DNAL4: variants seen among roughly 807,000 people sequenced by gnomAD.
DNAL4 encodes dynein light chain, outer arm 4.
In DNAL4, 10 loss-of-function variants were observed where a neutral mutation model predicts 12.6. The observed-to-expected ratio is 0.79, with a 90% CI of 0.49 to 1.34. DNAL4 has a LOEUF of 1.34. Among genes scored for constraint, DNAL4 ranks in the 40% most tolerant of loss-of-function variants. The pLI, the probability that DNAL4 is intolerant of heterozygous loss-of-function variation, is 0.00. For missense variants in DNAL4, 128 were observed against 138.1 expected, an observed-to-expected ratio of 0.93 and a Z score of 0.37; for synonymous variants, 46 against 53.1, an observed-to-expected ratio of 0.87 and a Z score of 0.58.
chr22:38,793,645 G>A (rs1325061496), intron 1 of DNAL4, among the ~76,000 whole-genome samples: 1 of 152,138 alleles, frequency 6.6e-6, no homozygotes, highest in African/African-American at 2.4e-5. Context: ...CCCAAACAGG[G>A]GAAATGACCA....
At chr22:38,781,885 G>A (rs2093034917) in intron 2 of DNAL4, among the ~76,000 whole-genome samples, 1 of 152,156 alleles carries the variant, frequency 6.6e-6, no homozygotes, top group Non-Finnish European at 1.5e-5. Context: ...ATCGCTCTGG[G>A]CCTCCACAGC....
Position 38,779,526 on chromosome 22 carries a change from T to C in DNAL4, c.241A>G (p.Ile81Val). 1 of 1,585,124 alleles carries C rather than the reference T, an allele frequency of 6.3e-7. No homozygotes were observed. The highest frequency in any genetic ancestry group is 8.6e-7 in the Non-Finnish European group (1 of 1,164,822). Residue 81 changes from isoleucine to valine, a missense_variant, in exon 4 of 4, where the codon ATC becomes GTC. Physicochemically the swap from Ile to Val is conservative, Grantham distance 29. Coordinates refer to ENST00000216068, the MANE Select transcript of DNAL4 (RefSeq NM_005740.3). The surrounding 1 kb of genome is among the most constrained non-coding windows in gnomAD (Gnocchi z 4.3). ...VVIGEGFGFE[I>V]THEVKNLLYL... Reference sequence around the variant, plus strand: ...AGGAGGTTCTTCACCTCGTGGGTGATCTCAAACCCAAAGCCCTCGCCGATC... The same window carrying C: ...AGGAGGTTCTTCACCTCGTGGGTGACCTCAAACCCAAAGCCCTCGCCGATC...
intron 1 of DNAL4, among the ~76,000 whole-genome samples, chr22:38,788,900 T>G (rs2093046410): frequency 6.6e-6 from 1 of 152,220 alleles, no homozygotes; most frequent in African/African-American, 2.4e-5. Context: ...GAGTCCAGAT[T>G]CCCTGGGGCT....
Position 38,779,420 on chromosome 22 carries a change from C to T in DNAL4, c.*29G>A, listed in dbSNP as rs2146161853. The T allele has an allele frequency of 1.9e-6, 3 of 1,550,136 alleles. No individual in the cohort carries two copies. The highest frequency in any genetic ancestry group is 2.6e-6 in the Non-Finnish European group (3 of 1,145,774). Reference sequence around the variant, plus strand: ...CCCAGATGAGTGGCAGGAAAAGGCCCTGCAGGGGACGGGGCAGGGGACAGA... The same window carrying T: ...CCCAGATGAGTGGCAGGAAAAGGCCTTGCAGGGGACGGGGCAGGGGACAGA... On this transcript the variant is annotated 3_prime_UTR_variant, in exon 4 of 4. Coordinates refer to ENST00000216068, the MANE Select transcript of DNAL4 (RefSeq NM_005740.3). The surrounding 1 kb of genome is among the most constrained non-coding windows in gnomAD (Gnocchi z 4.3).
Position 38,779,638 on chromosome 22 carries a change from A to G in DNAL4, c.154-25T>C. The stretch of plus-strand genomic sequence containing the variant: ...TCTGGAAGGAAGAGGGCACTTATCA[A>G]GGGGGCGCAGGGCAGGTGGGGGCAG... On this transcript the variant is annotated intron_variant, in intron 3 of 3. Transcript: ENST00000216068. The surrounding 1 kb of genome is among the most constrained non-coding windows in gnomAD (Gnocchi z 4.3). 6.3e-7 allele frequency: 1 copy of G among 1,581,986 alleles called. No homozygotes were observed. The highest frequency in any genetic ancestry group is 8.6e-7 in the Non-Finnish European group (1 of 1,162,018).
Position 38,782,697 on chromosome 22 carries a change from T to A in DNAL4, c.35A>T (p.Asp12Val), listed in dbSNP as rs962259993. 2 of 1,613,180 alleles carry A rather than the reference T, an allele frequency of 1.2e-6. No homozygotes were observed. Among genetic ancestry groups the A allele is most frequent in the Non-Finnish European group, 1.7e-6 (2 of 1,179,698 alleles). Residue 12 changes from aspartate to valine, a missense_variant, in exon 2 of 4, where the codon GAT becomes GTT. Asp to Val is a radical substitution (Grantham distance 152, BLOSUM62 -3). Coordinates refer to ENST00000216068, the MANE Select transcript of DNAL4 (RefSeq NM_005740.3). This position sits in a 1 kb window ranked among gnomAD's most constrained non-coding sequence, Gnocchi z 5.1. ...AGGGAAGGTCTGCAGTCGCTTATAA[T>A]CAGCCTCATCTTTCTTCCCTTCTGT... ...GETEGKKDEADYKRLQTFPLV... is the reference protein window; with the variant it reads ...GETEGKKDEAVYKRLQTFPLV...
intron 1 of DNAL4, among the ~76,000 whole-genome samples, chr22:38,790,757 G>A (rs1414857278): frequency 1.3e-5 from 2 of 152,166 alleles, no homozygotes; most frequent in East Asian, 3.8e-4. Context: ...GCCTACTACA[G>A]ACCTAGGCTA....
At chr22:38,792,781 C>A (rs1398567016) in intron 1 of DNAL4, among the ~76,000 whole-genome samples, 1 of 152,140 alleles carries the variant, frequency 6.6e-6, no homozygotes, top group African/African-American at 2.4e-5. Context: ...TGCTTGAATA[C>A]CTCCTGAAGG....
At chr22:38,786,503 G>A (rs1436835530) in intron 1 of DNAL4, among the ~76,000 whole-genome samples, 1 of 152,208 alleles carries the variant, frequency 6.6e-6, no homozygotes, top group African/African-American at 2.4e-5. Context: ...AGATTGCGGT[G>A]AGCCAAGATC....
At position 38,780,975 on chromosome 22, in the gene DNAL4, G is replaced by T. The variant is rs1349066923; in HGVS notation, c.104C>A (p.Thr35Asn). 3 of 1,614,204 alleles carry T rather than the reference G, an allele frequency of 1.9e-6. No homozygotes were observed. Among genetic ancestry groups the T allele is most frequent in the Non-Finnish European group, 2.5e-6 (3 of 1,180,024 alleles). The change falls in exon 3 of 4, where the codon ACC becomes AAC. Residue 35 changes from threonine (T) to asparagine (N), a missense_variant. By Grantham distance (65) the Thr-to-Asn change is moderately conservative (BLOSUM62 0). Transcript: ENST00000216068. ...SDMPEEMRVE[T>N]MELCVTACEK... ...ACAGGCTGTGACACATAGCTCCATG[G>T]TCTCCACGCGCATCTCCTCTGGCAT...
chr22:38,792,355 G>C (rs762571486), intron 1 of DNAL4, among the ~76,000 whole-genome samples: 1 of 150,880 alleles, frequency 6.6e-6, no homozygotes, highest in Admixed American at 6.6e-5. Context: ...CTATCTCGGC[G>C]CACTGAAACC....
At position 38,790,318 on chromosome 22, in the gene DNAL4, AC is replaced by A. The variant is rs139597809; in HGVS notation, c.-140+3749del. 9.5e-3 allele frequency among the ~76,000 whole-genome samples: 1,444 copies of A among 152,258 alleles called. 21 individuals carry two copies. Among genetic ancestry groups the A allele is most frequent in the African/African-American group, 0.033 (1,376 of 41,536 alleles). On this transcript the variant is annotated intron_variant, in intron 1 of 3. Transcript: ENST00000216068. Reference sequence around the variant, plus strand: ...GGTATTAATGTCACAGGCATGAAATACTTGAAGGAGAGTGGTGGCTTCAGGA... The same window carrying A: ...GGTATTAATGTCACAGGCATGAAATATTGAAGGAGAGTGGTGGCTTCAGGA...
rs573445533 is a variant in DNAL4 at position 38,788,200 on chromosome 22, C to T, written c.-139-5330G>A. ...TAAGGACTTGGGCATTCGTCCAAGA[C>T]GCTCGTAGTAAGGTCAGGAAATGAT... On this transcript the variant is annotated intron_variant, in intron 1 of 3. Transcript: ENST00000216068. Among the ~76,000 whole-genome samples the T allele has an allele frequency of 1.2e-4, 19 of 152,260 alleles. No homozygotes were observed. In the South Asian group the frequency reaches 2.7e-3, roughly 22 times the overall value.
chr22:38,792,612 T>G (rs1276249141), intron 1 of DNAL4, among the ~76,000 whole-genome samples: 1 of 152,256 alleles, frequency 6.6e-6, no homozygotes, highest in Non-Finnish European at 1.5e-5. Flanking sequence ...CATTTTTAAC[T>G]TTTTTGTTAA....
intron 1 of DNAL4, among the ~76,000 whole-genome samples, chr22:38,787,232 C>T (rs1351380828): frequency 4.6e-5 from 7 of 150,902 alleles, no homozygotes. Context: ...TCTTTTCTTT[C>T]TTTCTTTCTT....
intron 1 of DNAL4, among the ~76,000 whole-genome samples, chr22:38,790,794 T>C (rs1446756741): frequency 6.6e-6 from 1 of 152,216 alleles, no homozygotes; most frequent in Non-Finnish European, 1.5e-5. Context: ...TCTCCAAGGC[T>C]ACAAACTTGT....
At position 38,782,831 on chromosome 22, in the gene DNAL4, C is replaced by A; in HGVS notation, c.-100G>T. 1.7e-6 allele frequency: 2 copies of A among 1,144,912 alleles called. No homozygotes were observed. The highest frequency in any genetic ancestry group is 1.2e-6 in the Non-Finnish European group (1 of 818,726). 70.9% of individuals were successfully genotyped at this position (1,144,912 alleles called of 1,614,324 possible). ...AGGAGATTCAGGAAGCAGGCCCTGC[C>A]AACTCGGTGGGAGCAGAAAATGTCT... is the stretch of plus-strand genomic sequence containing the variant. On this transcript the variant is annotated 5_prime_UTR_variant, in exon 2 of 4. Coordinates refer to ENST00000216068, the MANE Select transcript of DNAL4 (RefSeq NM_005740.3). The surrounding 1 kb of genome is among the most constrained non-coding windows in gnomAD (Gnocchi z 5.1).
At position 38,780,973 on chromosome 22, in the gene DNAL4, T is replaced by C. The variant is rs1267907624; in HGVS notation, c.106A>G (p.Met36Val). Residue 36 changes from methionine (M) to valine (V), a missense_variant, in exon 3 of 4, where the codon ATG becomes GTG. Met to Val is a conservative substitution (Grantham distance 21, BLOSUM62 1). Transcript: ENST00000216068. ...TCACAGGCTGTGACACATAGCTCCA[T>C]GGTCTCCACGCGCATCTCCTCTGGC... ...DMPEEMRVET[M>V]ELCVTACEKF... 6.2e-7 allele frequency: 1 copy of C among 1,614,096 alleles called. No homozygotes were observed. The highest frequency in any genetic ancestry group is 2.2e-5 in the East Asian group (1 of 44,898).
At position 38,782,233 on chromosome 22, in the gene DNAL4, C is replaced by T. The variant is rs1011475727; in HGVS notation, c.69+430G>A. Among the ~76,000 whole-genome samples the T allele has an allele frequency of 6.6e-6, 1 of 152,202 alleles. No homozygotes were observed. The highest frequency in any genetic ancestry group is 6.5e-5 in the Admixed American group (1 of 15,282). On this transcript the variant is annotated intron_variant, in intron 2 of 3. Transcript: ENST00000216068. The surrounding 1 kb of genome is among the most constrained non-coding windows in gnomAD (Gnocchi z 5.1). ...CCGTGCCTCTGTTTCCCCGGCTTGGCATGTTCTTCCCCAGGTCTTTGTGAG... is the reference window on the plus strand; with the variant it reads ...CCGTGCCTCTGTTTCCCCGGCTTGGTATGTTCTTCCCCAGGTCTTTGTGAG...
Sources: allele counts gnomAD v4.1 joint callset (sites outside exome capture counted in the v4.1 genomes callset), GRCh38; gene constraint gnomAD v4.1.1; non-coding constraint Gnocchi (gnomAD v3.1); transcripts MANE v1.5; gene names NCBI Gene and HGNC (gene_info 2026-07-23, HGNC 2026-07-21).